TJP1: variants seen among roughly 807,000 people sequenced by gnomAD.
The protein encoded by TJP1 is tight junction protein ZO-1.
A neutral mutation model predicts 194.2 loss-of-function variants in TJP1; 43 were observed. The ratio of observed to expected loss-of-function variants is 0.22; its 90% CI spans 0.17 to 0.29. The LOEUF (loss-of-function observed/expected upper bound fraction) is 0.29, where lower values mean the gene tolerates loss of function less well. TJP1 is among the 10% of genes least tolerant of loss of function. The pLI is 1.00. For missense variants in TJP1, 1,971 were observed against 2,185.7 expected (o/e 0.90, Z 1.96); for synonymous variants, 801 against 779.0 (o/e 1.03, Z -0.47).
rs562658014 is a variant in TJP1 at position 29,892,354 on chromosome 15, A to G, written c.306+63878T>C. Among the ~76,000 whole-genome samples, 5 of 152,370 alleles carry G rather than the reference A, an allele frequency of 3.3e-5. No homozygotes were observed. In the East Asian group the frequency reaches 7.7e-4, roughly 23 times the overall value. ...CGTAACATAAAAGTGCAAGGTGAGG[A>G]AGCAAGTGCTGATGCAGAAGCTGCA... is the stretch of plus-strand genomic sequence containing the variant. On this transcript the variant is annotated intron_variant, in intron 2 of 28. Transcript: ENST00000356107.
chr15:29,708,475 A>G (rs2042041516), intron 25 of TJP1, 84 bp downstream of exon 25: 10 of 1,134,590 alleles, frequency 8.8e-6, no homozygotes, highest in South Asian at 5.9e-5. Flanking sequence ...AGATCACTTT[A>G]AAGTCCCAAG....
chr15:29,894,662 C>T (rs1434039537), intron 2 of TJP1, among the ~76,000 whole-genome samples: 1 of 152,196 alleles, frequency 6.6e-6, no homozygotes, highest in African/African-American at 2.4e-5. Flanking sequence ...AGGCTGGAAT[C>T]GCACACCAGT....
rs141803438 is a variant in TJP1 at position 29,749,477 on chromosome 15, T to G, written c.1011-6696A>C. On this transcript the variant is annotated intron_variant, in intron 8 of 27. Transcript: ENST00000614355. The stretch of plus-strand genomic sequence containing the variant: ...AGCCATTTAGTAGAGGCAGAGGGCA[T>G]GCAGCATGGTCAGTACAGGGTCCTG... 7.9e-4 allele frequency among the ~76,000 whole-genome samples: 121 copies of G among 152,274 alleles called. 1 individual carries two copies. The East Asian group carries it at 0.021, about 26-fold the overall frequency.
intron 6 of TJP1, 93 bp downstream of exon 6, chr15:29,762,242 G>T: frequency 2.9e-6 from 3 of 1,029,070 alleles, no homozygotes; most frequent in African/African-American, 3.2e-5. Context: ...ATTCTCTTTG[G>T]CAAAACTGCT....
chr15:29,858,144 T>A (rs1057377041), intron 2 of TJP1, among the ~76,000 whole-genome samples: 3 of 152,226 alleles, frequency 2.0e-5, no homozygotes, highest in Admixed American at 6.5e-5. Flanking sequence ...CTTACTCCCG[T>A]AATCTCAACA....
At chr15:29,785,184 C>T (rs1042983221) in intron 2 of TJP1, among the ~76,000 whole-genome samples, 1 of 152,120 alleles carries the variant, frequency 6.6e-6, no homozygotes, top group African/African-American at 2.4e-5. Flanking sequence ...GCATCAAAGA[C>T]TTGCCGTATT....
intron 1 of TJP1, among the ~76,000 whole-genome samples, chr15:29,957,704 C>G (rs1178103638): frequency 6.6e-6 from 1 of 152,124 alleles, no homozygotes; most frequent in Non-Finnish European, 1.5e-5. Context: ...GTTACCAAAC[C>G]ATACAGCAAT....
chr15:29,773,303 A>G lies in TJP1; in HGVS notation c.139T>C (p.Phe47Leu). The change falls in exon 3 of 28, where the codon TTT becomes CTT. Residue 47 changes from phenylalanine (F) to leucine (L), a missense_variant. Coordinates refer to ENST00000614355, the MANE Select transcript of TJP1 (RefSeq NM_001330239.4). ...AISGGRDNPH[F>L]QSGETSIVIS... ...ACTATTGACGTTTCCCCACTCTGAA[A>G]ATGAGGATTATCTCGTCCACCAGAT... 2 of 1,614,086 alleles carry G rather than the reference A, an allele frequency of 1.2e-6. No homozygotes were observed. Among genetic ancestry groups the G allele is most frequent in the Non-Finnish European group, 1.7e-6 (2 of 1,179,956 alleles).
chr15:29,761,105 C>A lies in TJP1; in HGVS notation c.1010+34G>T, dbSNP rs2045972606. 1.9e-6 allele frequency: 3 copies of A among 1,549,824 alleles called. No homozygotes were observed. In the East Asian group the frequency reaches 7.0e-5, roughly 36 times the overall value. On this transcript the variant is annotated intron_variant, in intron 8 of 27. Coordinates refer to ENST00000614355, the MANE Select transcript of TJP1 (RefSeq NM_001330239.4). ...AGATACTGGTATCAAGCAAACAAAA[C>A]CCCTGTATTTTTTAAAAAAATAGGG...
chr15:29,823,384 T>C (rs964656965), upstream of TJP1: 2 of 151,790 alleles, frequency 1.3e-5, no homozygotes, highest in African/African-American at 4.8e-5. Flanking sequence ...AAACCAATCC[T>C]AGACTCACTA....
chr15:29,909,016 G>A (rs1185446768), intron 2 of TJP1, among the ~76,000 whole-genome samples: 1 of 151,990 alleles, frequency 6.6e-6, no homozygotes, highest in Non-Finnish European at 1.5e-5. Flanking sequence ...AATTATCCGG[G>A]TGTGGTGGTG....
chr15:29,917,624 C>G (rs76215974), intron 2 of TJP1, among the ~76,000 whole-genome samples: 7,147 of 152,178 alleles, frequency 0.047, 200 homozygotes, highest in South Asian at 0.1. Flanking sequence ...CAGGACCCAA[C>G]CACAAAGGGA....
chr15:29,705,459 T>G, intron 26 of TJP1, 69 bp downstream of exon 26: 2 of 1,472,922 alleles, frequency 1.4e-6, no homozygotes, highest in Non-Finnish European at 1.9e-6. Flanking sequence ...CCAAGCACTA[T>G]AAGCTCTGAA....
intron 12 of TJP1, among the ~76,000 whole-genome samples, chr15:29,733,540 C>T (rs769146773): frequency 1.7e-4 from 26 of 152,236 alleles, no homozygotes; most frequent in Non-Finnish European, 2.1e-4. Flanking sequence ...CATCAAGTAA[C>T]TTGTCAAAAG....
chr15:29,704,410 G>A (rs1398409736), intron 26 of TJP1, 105 bp from the exon 27 acceptor site: 18 of 1,389,056 alleles, frequency 1.3e-5, no homozygotes, highest in Non-Finnish European at 1.7e-5. Context: ...AAGCCTAATG[G>A]AGTTAGTTCT....
At chr15:29,780,172 T>C (rs1482857611) in intron 2 of TJP1, among the ~76,000 whole-genome samples, 3 of 152,122 alleles carry the variant, frequency 2.0e-5, no homozygotes, top group Non-Finnish European at 4.4e-5. Flanking sequence ...GTACATTACA[T>C]TTATTGTGTA....
intron 8 of TJP1, among the ~76,000 whole-genome samples, chr15:29,754,114 C>A (rs1445257348): frequency 1.3e-5 from 2 of 152,156 alleles, no homozygotes; most frequent in Non-Finnish European, 2.9e-5. Context: ...ATAGCAAAGA[C>A]ATGGAGTCAA....
At chr15:29,749,880 T>G (rs1195249570) in intron 8 of TJP1, among the ~76,000 whole-genome samples, 1 of 152,180 alleles carries the variant, frequency 6.6e-6, no homozygotes, top group African/African-American at 2.4e-5. Flanking sequence ...TCACGCTCTG[T>G]CACCCAGGCT....
chr15:29,899,609 C>T (rs2053576894), intron 2 of TJP1, among the ~76,000 whole-genome samples: 3 of 152,190 alleles, frequency 2.0e-5, no homozygotes. Context: ...GAACCCCAAC[C>T]TCATCTTCAG....
Sources: gnomAD v4.1 joint callset for allele counts (sites outside exome capture counted in the v4.1 genomes callset) on GRCh38, gnomAD v4.1.1 for gene constraint, MANE v1.5 for transcripts, NCBI Gene and HGNC (gene_info 2026-07-23, HGNC 2026-07-21) for gene names.